ITGB2: variants seen among roughly 807,000 people sequenced by gnomAD.
ITGB2 encodes integrin subunit beta 2.
A neutral mutation model predicts 86.8 loss-of-function variants in ITGB2; 56 were observed. The observed-to-expected ratio is 0.65, with a 90% CI of 0.52 to 0.81. The LOEUF (loss-of-function observed/expected upper bound fraction) is 0.81. ITGB2 is among the 30% of genes least tolerant of loss of function. The pLI is 0.00. For synonymous variants in ITGB2, 457 were observed against 450.4 expected (o/e 1.01, Z -0.19); for missense variants, 948 against 1,061.2 (o/e 0.89, Z 1.48).
At position 44,893,484 on chromosome 21, in the gene ITGB2, AG is replaced by A. The variant is rs483352817; in HGVS notation, c.1143del (p.Tyr382ThrfsTer9). ...ACTCCATTGCTGCAGAAGGAGTCGT[AG>A]GTGACTTTCAGGGTGTCGGGGAGGG... is the stretch of plus-strand genomic sequence containing the variant. Reference protein sequence around the residue: ...HNALPDTLKVTYDSFCSNGVT... With the variant: ...HNALPDTLKVXYDSFCSNGVT... On this transcript the variant is annotated frameshift_variant, in exon 10 of 16. Transcript: ENST00000652462. LOFTEE classifies it high-confidence loss of function. 6.2e-7 allele frequency: 1 copy of A among 1,614,134 alleles called. No homozygotes were observed. Among genetic ancestry groups the A allele is most frequent in the Non-Finnish European group, 8.5e-7 (1 of 1,179,988 alleles).
chr21:44,901,808 A>G lies in ITGB2; in HGVS notation c.500-75T>C. ...GGAGGGCCAGCTTCAAAGGGGCACG[A>G]GGGCAAGCCTGTTTCCTCTCTCCTA... On this transcript the variant is annotated intron_variant, in intron 5 of 15. Coordinates refer to ENST00000652462, the MANE Select transcript of ITGB2 (RefSeq NM_000211.5). The G allele has an allele frequency of 2.7e-6, 4 of 1,503,054 alleles. No individual in the cohort carries two copies. The South Asian group carries it at 5.0e-5, about 19-fold the overall frequency. 93.1% of individuals were successfully genotyped at this position (1,503,054 alleles called of 1,614,324 possible). A position where few individuals can be genotyped will look rare whatever the true frequency, so the allele number is the denominator to read the frequency against.
intron 5 of ITGB2, 21 bp downstream of exon 5, chr21:44,903,344 C>A (rs2083992907): frequency 6.2e-7 from 1 of 1,613,742 alleles, no homozygotes; most frequent in African/African-American, 1.3e-5. Context: ...TGGGTTTTGT[C>A]CTGCAGTGCC....
chr21:44,923,498 G>A (rs1601343724), upstream of ITGB2, among the ~76,000 whole-genome samples: 1 of 152,108 alleles, frequency 6.6e-6, no homozygotes, highest in East Asian at 1.9e-4. Context: ...GAGAGGTGTT[G>A]ATACAACAAG....
intron 1 of ITGB2, chr21:44,926,727 A>G (rs960675405): frequency 2.0e-5 from 3 of 152,296 alleles, no homozygotes; most frequent in Admixed American, 6.5e-5. Context: ...GCAGGACTGG[A>G]GCAGGATTCT....
Position 44,886,389 on chromosome 21 carries a change from G to T in ITGB2, c.2289C>A (p.Asn763Lys). The change falls in exon 16 of 16, where the codon AAC (asparagine) becomes AAA (lysine). Residue 763 changes from asparagine (N) to lysine (K), a missense_variant. Coordinates refer to ENST00000652462, the MANE Select transcript of ITGB2 (RefSeq NM_000211.5). ...LFKSATTTVM[N>K]PKFAES ...GCTCCTAACTCTCAGCAAACTTGGG[G>T]TTCATGACCGTCGTGGTGGCGCTCT... is the stretch of plus-strand genomic sequence containing the variant. 1 of 1,614,178 alleles carries T rather than the reference G, an allele frequency of 6.2e-7. No homozygotes were observed. The highest frequency in any genetic ancestry group is 8.5e-7 in the Non-Finnish European group (1 of 1,180,002).
rs1019124929 is a variant in ITGB2, at chr21:44,888,951, G to A, written c.1878-56C>T. 1.4e-5 allele frequency: 21 copies of A among 1,540,310 alleles called. No homozygotes were observed. The African/African-American group carries it at 1.5e-4, about 11-fold the overall frequency. The stretch of plus-strand genomic sequence containing the variant: ...CAGGGTGTGCGGGGGCTCCGGCAAC[G>A]GGGGCTCGGGCTTGGGTGTGTGTCC... On this transcript the variant is annotated intron_variant, in intron 13 of 15. Coordinates refer to ENST00000652462, the MANE Select transcript of ITGB2 (RefSeq NM_000211.5).
intron 13 of ITGB2, 73 bp from the exon 14 acceptor site, chr21:44,888,968 T>G: frequency 1.4e-6 from 2 of 1,415,852 alleles, no homozygotes; most frequent in African/African-American, 1.5e-5. Flanking sequence ...CGGGCTTGGG[T>G]GTGTGTCCAC....
chr21:44,900,010 CG>C (rs2083926846), intron 7 of ITGB2, among the ~76,000 whole-genome samples: 1 of 152,062 alleles, frequency 6.6e-6, no homozygotes, highest in South Asian at 2.1e-4. Context: ...AGCCTGGGGG[CG>C]GTTACTATAC....
chr21:44,902,693 A>G (rs1377488167), intron 5 of ITGB2, among the ~76,000 whole-genome samples: 1 of 148,594 alleles, frequency 6.7e-6, no homozygotes, highest in Non-Finnish European at 1.5e-5. Flanking sequence ...TTGAGCATGC[A>G]TTTGTGTGTG....
rs778074755 is a variant in ITGB2 at position 44,907,057 on chromosome 21, G to A, written c.186C>T (p.Cys62=). The A allele has an allele frequency of 9.3e-6, 15 of 1,610,464 alleles. No individual in the cohort carries two copies. Among genetic ancestry groups the A allele is most frequent in the South Asian group, 6.6e-5 (6 of 90,962 alleles). Residue 62 remains cysteine (C), a synonymous_variant, in exon 4 of 16, where the codon TGC becomes TGT. Transcript: ENST00000652462. ...TCATGAGCAGCTGTGGCCGGGTGTCGCAGCGAATGGAGTCAGGATCCCCCG... is the reference window on the plus strand; with the variant it reads ...TCATGAGCAGCTGTGGCCGGGTGTCACAGCGAATGGAGTCAGGATCCCCCG... ...TGPGDPDSIR[C]DTRPQLLMRG...
At chr21:44,917,217 C>T (rs1041166454) in intron 1 of ITGB2, among the ~76,000 whole-genome samples, 11 of 152,158 alleles carry the variant, frequency 7.2e-5, no homozygotes, top group East Asian at 5.8e-4. Context: ...TTGGCGGTTT[C>T]GGTGCCTGCG....
intron 6 of ITGB2, 87 bp from the exon 7 acceptor site, chr21:44,900,562 T>TG: frequency 1.9e-6 from 3 of 1,546,836 alleles, no homozygotes; most frequent in Non-Finnish European, 2.7e-6. Flanking sequence ...GCAGAGCTGG[T>TG]GGGGTGGCCC....
chr21:44,895,288 G>A (rs1045857836), intron 8 of ITGB2, among the ~76,000 whole-genome samples: 1 of 152,174 alleles, frequency 6.6e-6, no homozygotes, highest in Admixed American at 6.5e-5. Context: ...ACCAGTACTC[G>A]GGAGGCCGAT....
At position 44,899,086 on chromosome 21, in the gene ITGB2, C is replaced by T. The variant is rs758815125; in HGVS notation, c.974G>A (p.Arg325Lys). 2.5e-6 allele frequency: 4 copies of T among 1,614,062 alleles called. No individual in the cohort carries two copies. In the East Asian group the frequency reaches 8.9e-5, roughly 36 times the overall value. Residue 325 changes from arginine (R) to lysine (K), a missense_variant, in exon 8 of 16, where the codon AGG becomes AAG. Transcript: ENST00000652462. ...ACTCACCTCGTAGGTCTTCACCATCCTACTGGTCACCGCGAAGATGGGCTG... is the reference window on the plus strand; with the variant it reads ...ACTCACCTCGTAGGTCTTCACCATCTTACTGGTCACCGCGAAGATGGGCTG... ...NIQPIFAVTS[R>K]MVKTYEKLTE...
At chr21:44,898,678 A>G (rs1184782394) in intron 8 of ITGB2, among the ~76,000 whole-genome samples, 1 of 152,242 alleles carries the variant, frequency 6.6e-6, no homozygotes, top group Non-Finnish European at 1.5e-5. Flanking sequence ...CCGCACTCCA[A>G]GCTTGTGAAC....
At chr21:44,920,368 G>A (rs1285483559) in intron 1 of ITGB2, among the ~76,000 whole-genome samples, 2 of 152,110 alleles carry the variant, frequency 1.3e-5, no homozygotes, top group South Asian at 2.1e-4. Flanking sequence ...ACTGCGAGTC[G>A]ATCTGGAGAT....
chr21:44,893,265 A>T (rs910837636), intron 10 of ITGB2, 139 bp downstream of exon 10: 1 of 979,906 alleles, frequency 1.0e-6, no homozygotes, highest in South Asian at 1.4e-5. Context: ...CCCCCGTCAG[A>T]GTGCTGGGAT....
intron 5 of ITGB2, among the ~76,000 whole-genome samples, chr21:44,902,382 C>G (rs192765796): frequency 1.3e-5 from 2 of 150,422 alleles, no homozygotes; most frequent in African/African-American, 4.9e-5. Flanking sequence ...CGTGCATTCA[C>G]GTGTGTGAGC....
chr21:44,907,299 C>A (rs962622318), intron 3 of ITGB2, among the ~76,000 whole-genome samples: 5 of 152,178 alleles, frequency 3.3e-5, no homozygotes, highest in African/African-American at 1.2e-4. Flanking sequence ...CACAGCAGAC[C>A]CCTGGGGGGC....
Sources: gnomAD v4.1 joint callset for allele counts (sites outside exome capture counted in the v4.1 genomes callset) on GRCh38, gnomAD v4.1.1 for gene constraint, MANE v1.5 for transcripts, NCBI Gene and HGNC (gene_info 2026-07-23, HGNC 2026-07-21) for gene names.